SPTBN1: variants seen among roughly 807,000 people sequenced by gnomAD.
SPTBN1 encodes the protein spectrin beta, non-erythrocytic 1.
SPTBN1 carries 32 observed loss-of-function variants against 266.4 expected under a neutral mutation model. The ratio of observed to expected loss-of-function variants is 0.12; its 90% CI spans 0.09 to 0.16. The LOEUF (loss-of-function observed/expected upper bound fraction) is 0.16, where lower values mean the gene tolerates loss of function less well. SPTBN1 is among the 10% of genes least tolerant of loss of function. The probability of loss-of-function intolerance (pLI) is 1.00; values close to 1 mark genes in which losing one functional copy is unlikely to be tolerated. For missense variants in SPTBN1, 2,296 were observed against 3,067.1 expected (o/e 0.75, Z 5.94); for synonymous variants, 1,336 against 1,162.2 (o/e 1.15, Z -3.04).
At chr2:54,465,872 C>T (rs945334118) in intron 1 of SPTBN1, among the ~76,000 whole-genome samples, 9 of 151,932 alleles carry the variant, frequency 5.9e-5, no homozygotes, top group Non-Finnish European at 1.0e-4. Flanking sequence ...GTCCAAGTCT[C>T]TAAGTGTGTT....
In SPTBN1 at chr2:54,626,159, G is replaced by C. The variant is rs142811116; in HGVS notation, c.1569G>C (p.Arg523=). The C allele has an allele frequency of 1.9e-4, 302 of 1,614,190 alleles. 2 individuals carry two copies. The highest frequency in any genetic ancestry group is 5.0e-4 in the Admixed American group (30 of 60,022). ...AACTGCTCAGGGCCCGGAGACAGCG[G>C]CTCGAGATGAACCTGGGGCTGCAGA... ...LLELLRARRQ[R]LEMNLGLQKI... The change falls in exon 12 of 36, where the codon CGG becomes CGC. Residue 523 remains arginine (R), a synonymous_variant. Coordinates refer to ENST00000356805, the MANE Select transcript of SPTBN1 (RefSeq NM_003128.3). The surrounding 1 kb of genome is among the most constrained non-coding windows in gnomAD (Gnocchi z 4.7).
chr2:54,602,640 TG>T (rs1676573441), intron 3 of SPTBN1, among the ~76,000 whole-genome samples: 1 of 152,218 alleles, frequency 6.6e-6, no homozygotes, highest in Non-Finnish European at 1.5e-5. Flanking sequence ...CACTGGTTTT[TG>T]CTTCCCTGTT....
At chr2:54,474,307 A>G (rs1239477328) in intron 1 of SPTBN1, among the ~76,000 whole-genome samples, 1 of 152,188 alleles carries the variant, frequency 6.6e-6, no homozygotes, top group African/African-American at 2.4e-5. Context: ...AAAGTCCATC[A>G]TTGGTAAGTT....
At chr2:54,476,092 A>G (rs917682473) in intron 1 of SPTBN1, among the ~76,000 whole-genome samples, 3 of 151,992 alleles carry the variant, frequency 2.0e-5, no homozygotes, top group Non-Finnish European at 4.4e-5. Context: ...CTGGTGCTGC[A>G]GTAACAAAGA....
At chr2:54,581,914 A>G (rs1674939859) in intron 2 of SPTBN1, among the ~76,000 whole-genome samples, 2 of 152,256 alleles carry the variant, frequency 1.3e-5, no homozygotes, top group South Asian at 4.2e-4. Flanking sequence ...ATCCTACTGA[A>G]GAACTTTGCG....
intron 1 of SPTBN1, among the ~76,000 whole-genome samples, chr2:54,465,190 G>T (rs1239940889): frequency 1.3e-5 from 2 of 152,242 alleles, no homozygotes; most frequent in African/African-American, 4.8e-5. Flanking sequence ...CATCTTAAGG[G>T]TATAGGTGTG....
intron 1 of SPTBN1, among the ~76,000 whole-genome samples, chr2:54,468,248 A>C (rs1333749520): frequency 1.3e-5 from 2 of 152,178 alleles, no homozygotes; most frequent in South Asian, 2.1e-4. Context: ...TGGAGGTTGC[A>C]GTGAGCTGAG....
At chr2:54,606,341 G>T (rs1467777981) in intron 3 of SPTBN1, among the ~76,000 whole-genome samples, 1 of 152,122 alleles carries the variant, frequency 6.6e-6, no homozygotes, top group Non-Finnish European at 1.5e-5. Flanking sequence ...TATGAGAATG[G>T]CTGCTGCAGT....
chr2:54,606,778 T>C (rs983380074), intron 3 of SPTBN1, among the ~76,000 whole-genome samples: 1 of 152,204 alleles, frequency 6.6e-6, no homozygotes, highest in South Asian at 2.1e-4. Flanking sequence ...CGGCACCGAT[T>C]ACACAGGCAT....
intron 3 of SPTBN1, among the ~76,000 whole-genome samples, chr2:54,608,262 T>G (rs542527552): frequency 6.6e-6 from 1 of 152,288 alleles, no homozygotes; most frequent in African/African-American, 2.4e-5. Flanking sequence ...TTGGAAGTAA[T>G]AAGAGCAATA....
intron 4 of SPTBN1, 121 bp from the exon 5 acceptor site, chr2:54,616,086 C>T (rs747728257): frequency 5.5e-6 from 4 of 720,786 alleles, no homozygotes; most frequent in South Asian, 2.4e-5. Context: ...CAGGGTAGAT[C>T]GTCTGCAGGG....
Position 54,630,002 on chromosome 2 carries a change from A to C in SPTBN1, c.2780A>C (p.Lys927Thr). 6.2e-7 allele frequency: 1 copy of C among 1,614,124 alleles called. No homozygotes were observed. ...GGCCACCCAAGTGAGAAGGAAATCAAAGCCCAGCAGGACAAACTCAACACA... is the reference window on the plus strand; with the variant it reads ...GGCCACCCAAGTGAGAAGGAAATCACAGCCCAGCAGGACAAACTCAACACA... ...HSGHPSEKEI[K>T]AQQDKLNTRW... Residue 927 changes from lysine (K) to threonine (T), a missense_variant, in exon 15 of 36, where the codon AAA (lysine) becomes ACA (threonine). Coordinates refer to ENST00000356805, the MANE Select transcript of SPTBN1 (RefSeq NM_003128.3).
chr2:54,639,246 C>T (rs184244308), intron 18 of SPTBN1, among the ~76,000 whole-genome samples: 6 of 152,282 alleles, frequency 3.9e-5, no homozygotes, highest in African/African-American at 7.2e-5. Context: ...TAGTGTGCTG[C>T]GGTAATACCA....
In SPTBN1 at chr2:54,642,980, T is replaced by C. The variant is rs749993920; in HGVS notation, c.3859-3T>C. On this transcript the variant is annotated splice_polypyrimidine_tract_variant and splice_region_variant and intron_variant, in intron 18 of 35. Transcript: ENST00000356805. ...TCTCTGAATCCTTCTGATCTTTCTGTAGCTGTCTCTCTGGATCAATGAGAA... is the reference window on the plus strand; with the variant it reads ...TCTCTGAATCCTTCTGATCTTTCTGCAGCTGTCTCTCTGGATCAATGAGAA... 3.9e-5 allele frequency: 63 copies of C among 1,611,560 alleles called. No homozygotes were observed. Among genetic ancestry groups the C allele is most frequent in the Admixed American group, 1.0e-4 (6 of 59,648 alleles).
Position 54,558,601 on chromosome 2 carries a change from A to C in SPTBN1, c.148+32035A>C. On this transcript the variant is annotated intron_variant, in intron 2 of 35. Coordinates refer to ENST00000356805, the MANE Select transcript of SPTBN1 (RefSeq NM_003128.3). This position sits in a 1 kb window ranked among gnomAD's most constrained non-coding sequence, Gnocchi z 4.6. ...CTGTGTGGTAACTCCTCGCGGAGCT[A>C]AGGTGGACTCTCTTGCAGCCAACTT... The C allele has an allele frequency of 2.1e-6, 3 of 1,406,340 alleles. No homozygotes were observed. Among genetic ancestry groups the C allele is most frequent in the Non-Finnish European group, 2.8e-6 (3 of 1,077,824 alleles). 87.1% of individuals were successfully genotyped at this position (1,406,340 alleles called of 1,614,324 possible).
Position 54,645,086 on chromosome 2 carries a change from G to T in SPTBN1, c.4270-143G>T. ...AAAACAGTTCCATTGATGTTGAAAA[G>T]CAAGTCAGTGGCAAAATGTTTGAGT... is the stretch of plus-strand genomic sequence containing the variant. On this transcript the variant is annotated intron_variant, in intron 20 of 35. Coordinates refer to ENST00000356805, the MANE Select transcript of SPTBN1 (RefSeq NM_003128.3). This position sits in a 1 kb window ranked among gnomAD's most constrained non-coding sequence, Gnocchi z 4.3. 1.3e-6 allele frequency: 1 copy of T among 755,048 alleles called. No individual in the cohort carries two copies. Among genetic ancestry groups the T allele is most frequent in the Non-Finnish European group, 2.2e-6 (1 of 463,902 alleles). The allele number at this position is 755,048 out of a possible 1,614,324, so 46.8% of individuals were successfully genotyped here. A position where few individuals can be genotyped will look rare whatever the true frequency, so the allele number is the denominator to read the frequency against.
chr2:54,529,776 G>C, intron 2 of SPTBN1: 2 of 546,496 alleles, frequency 3.7e-6, no homozygotes, highest in Non-Finnish European at 3.5e-6. Context: ...ATGATGCTTT[G>C]GATGTTGCCA....
At chr2:54,636,311 G>A (rs1241532109) in intron 17 of SPTBN1, among the ~76,000 whole-genome samples, 2 of 152,062 alleles carry the variant, frequency 1.3e-5, no homozygotes, top group African/African-American at 4.8e-5. Flanking sequence ...TATGCCTAAT[G>A]ATATTTTTAT....
Position 54,649,627 on chromosome 2 carries a change from C to G in SPTBN1, c.5215C>G (p.Arg1739Gly). ...ATCCCCGTTTCAGATGTTACAAGAA[C>G]GATTCCGGGAGTTTGCCCGAGACAC... ...DYEHVTMLQERFREFARDTGN... is the reference protein window; with the variant it reads ...DYEHVTMLQEGFREFARDTGN... The change falls in exon 26 of 36, where the codon CGA becomes GGA. Residue 1739 changes from arginine to glycine, a missense_variant. This residue lies in a region of SPTBN1 where 644 missense variants were observed against 745.3 expected (regional missense o/e 0.86). Transcript: ENST00000356805. The surrounding 1 kb of genome is among the most constrained non-coding windows in gnomAD (Gnocchi z 6.7). 1 of 1,608,242 alleles carries G rather than the reference C, an allele frequency of 6.2e-7. No individual in the cohort carries two copies. The highest frequency in any genetic ancestry group is 8.5e-7 in the Non-Finnish European group (1 of 1,174,954).
Sources: allele counts gnomAD v4.1 joint callset (sites outside exome capture counted in the v4.1 genomes callset), GRCh38; gene constraint gnomAD v4.1.1; regional missense constraint gnomAD v4.1.1; non-coding constraint Gnocchi (gnomAD v3.1); transcripts MANE v1.5; gene names NCBI Gene and HGNC (gene_info 2026-07-23, HGNC 2026-07-21).